The following SLC25A26 variants were observed in gnomAD, a reference collection of about 807,000 sequenced individuals.
SLC25A26 encodes the protein solute carrier family 25 member 26.
SLC25A26 carries 36 observed loss-of-function variants against 37.8 expected under a neutral mutation model. The observed-to-expected ratio is 0.95, with a 90% CI of 0.73 to 1.26. The LOEUF is 1.26. Ranked by LOEUF, SLC25A26 falls within the 50% of genes most tolerant of loss-of-function variation. The pLI is 0.00. For missense variants in SLC25A26, 390 were observed against 331.1 expected (o/e 1.18, Z -1.38); for synonymous variants, 129 against 122.5 (o/e 1.05, Z -0.35).
At chr3:66,262,397 G>A (rs910395679) in intron 4 of SLC25A26, among the ~76,000 whole-genome samples, 5 of 152,152 alleles carry the variant, frequency 3.3e-5, no homozygotes, top group Admixed American at 2.0e-4. Flanking sequence ...TCTTCCTGCA[G>A]TTCTTCTGGA....
intron 1 of SLC25A26, among the ~76,000 whole-genome samples, chr3:66,142,666 C>T (rs2070053345): frequency 6.6e-6 from 1 of 152,168 alleles, no homozygotes; most frequent in African/African-American, 2.4e-5. Flanking sequence ...GTCATCAAAC[C>T]TAAGCACAAA....
chr3:66,175,140 T>TACACACACAC (rs1227038410), intron 1 of SLC25A26, among the ~76,000 whole-genome samples: 17 of 67,010 alleles, frequency 2.5e-4, no homozygotes, highest in African/African-American at 9.6e-4. Context: ...TATATATATA[T>TACACACACAC]ACACACACAC....
intron 1 of SLC25A26, among the ~76,000 whole-genome samples, chr3:66,191,147 A>G (rs1409046596): frequency 6.6e-6 from 1 of 152,192 alleles, no homozygotes; most frequent in Non-Finnish European, 1.5e-5. Flanking sequence ...GCCCTACTGT[A>G]AGGGACAATA....
intron 9 of SLC25A26, chr3:66,371,488 G>GA: frequency 7.3e-7 from 1 of 1,370,400 alleles, no homozygotes; most frequent in South Asian, 1.9e-5. Context: ...TTGGAAGTTT[G>GA]AAAAGTAGGT....
intron 3 of SLC25A26, among the ~76,000 whole-genome samples, chr3:66,258,535 C>G (rs1201533149): frequency 6.6e-6 from 1 of 152,098 alleles, no homozygotes; most frequent in African/African-American, 2.4e-5. Flanking sequence ...CCCGCTTGCT[C>G]CAAACAGCAC....
intron 5 of SLC25A26, among the ~76,000 whole-genome samples, chr3:66,330,273 T>A (rs1425751500): frequency 2.0e-5 from 3 of 152,100 alleles, no homozygotes; most frequent in Admixed American, 6.6e-5. Flanking sequence ...AGAAGTTGAG[T>A]TTGGACATGT....
chr3:66,165,599 C>T (rs560174143), intron 1 of SLC25A26, among the ~76,000 whole-genome samples: 3 of 152,074 alleles, frequency 2.0e-5, no homozygotes, highest in East Asian at 1.9e-4. Context: ...CATTTGTGAA[C>T]GTGAAACAAA....
intron 7 of SLC25A26, among the ~76,000 whole-genome samples, chr3:66,367,019 G>T (rs1339342115): frequency 6.6e-6 from 1 of 152,178 alleles, no homozygotes; most frequent in African/African-American, 2.4e-5. Context: ...ACCTTTCCCT[G>T]CCTTTTAGAG....
chr3:66,275,946 T>G (rs1170127392), intron 5 of SLC25A26, among the ~76,000 whole-genome samples: 1 of 152,124 alleles, frequency 6.6e-6, no homozygotes, highest in African/African-American at 2.4e-5. Context: ...GTATACTGTC[T>G]TATTGTCTGA....
chr3:66,313,344 C>T (rs1233372067), intron 5 of SLC25A26, among the ~76,000 whole-genome samples: 1 of 152,070 alleles, frequency 6.6e-6, no homozygotes. Context: ...ATATGGCTTG[C>T]CAGTTCTCCC....
chr3:66,162,708 C>A (rs923810805), intron 1 of SLC25A26, among the ~76,000 whole-genome samples: 2 of 152,154 alleles, frequency 1.3e-5, no homozygotes, highest in African/African-American at 2.4e-5. Context: ...CACTGCTGGG[C>A]GCATGAATGC....
intron 6 of SLC25A26, among the ~76,000 whole-genome samples, chr3:66,357,793 A>G (rs1301993353): frequency 6.6e-6 from 1 of 152,172 alleles, no homozygotes; most frequent in African/African-American, 2.4e-5. Context: ...CGTGTGTATT[A>G]TGATGTAGTT....
intron 1 of SLC25A26, among the ~76,000 whole-genome samples, chr3:66,166,940 C>G (rs952731453): frequency 6.6e-6 from 1 of 151,978 alleles, no homozygotes; most frequent in African/African-American, 2.4e-5. Context: ...GTGCTGTTCT[C>G]ATGATATTGA....
chr3:66,233,682 TTC>T (rs201631668), intron 1 of SLC25A26, among the ~76,000 whole-genome samples: 3,117 of 152,300 alleles, frequency 0.02, 100 homozygotes, highest in African/African-American at 0.072. Context: ...ATTCTTCAGG[TTC>T]TCTGTTAGCT....
At chr3:66,135,874 A>G (rs944962644) in intron 1 of SLC25A26, among the ~76,000 whole-genome samples, 1 of 152,246 alleles carries the variant, frequency 6.6e-6, no homozygotes, top group Non-Finnish European at 1.5e-5. Flanking sequence ...TTCTTTTGGA[A>G]TATTCACATT....
At chr3:66,256,894 A>G (rs1299596852) in intron 3 of SLC25A26, among the ~76,000 whole-genome samples, 1 of 152,176 alleles carries the variant, frequency 6.6e-6, no homozygotes. Context: ...CCCTGTTTCT[A>G]TGTATATTTA....
chr3:66,292,624 C>T (rs1487455119), intron 5 of SLC25A26, among the ~76,000 whole-genome samples: 1 of 152,168 alleles, frequency 6.6e-6, no homozygotes, highest in African/African-American at 2.4e-5. Flanking sequence ...TATTGGCCTC[C>T]ACTCTCCTCT....
rs189561729 is a variant in SLC25A26, at chr3:66,287,155, G to A, written c.453+23776G>A. Among the ~76,000 whole-genome samples, 53 of 152,212 alleles carry A rather than the reference G, an allele frequency of 3.5e-4. 1 individual carries two copies. Among genetic ancestry groups the A allele is most frequent in the Middle Eastern group, 6.8e-3 (2 of 294 alleles). On this transcript the variant is annotated intron_variant, in intron 5 of 9. Coordinates refer to ENST00000354883, the MANE Select transcript of SLC25A26 (RefSeq NM_001379210.1). The stretch of plus-strand genomic sequence containing the variant: ...ACTAAAAATACAAAAAATTAGCCAG[G>A]CGTGGTGGCAGGCGCCTGTAGTCCC...
At chr3:66,333,530 T>G (rs2076025265) in intron 5 of SLC25A26, among the ~76,000 whole-genome samples, 1 of 152,228 alleles carries the variant, frequency 6.6e-6, no homozygotes. Flanking sequence ...CGACTCATAC[T>G]GGCCTTTCTC....
Sources: gnomAD v4.1 joint callset for allele counts (sites outside exome capture counted in the v4.1 genomes callset) on GRCh38, gnomAD v4.1.1 for gene constraint, MANE v1.5 for transcripts, NCBI Gene and HGNC (gene_info 2026-07-23, HGNC 2026-07-21) for gene names.